The following SPIDR variants were observed in gnomAD, a reference collection of about 807,000 sequenced individuals.
SPIDR encodes scaffold protein involved in DNA repair, also known as DNA repair-scaffolding protein.
A neutral mutation model predicts 104.6 loss-of-function variants in SPIDR; 93 were observed. The observed-to-expected ratio is 0.89, with a 90% confidence interval of 0.75 to 1.06. SPIDR has a LOEUF of 1.06. Ranked by LOEUF, SPIDR falls within the 50% of genes least tolerant of loss-of-function variation. The pLI is 0.00. For missense variants in SPIDR, 1,154 were observed against 1,111.2 expected (o/e 1.04, Z -0.55); for synonymous variants, 431 against 416.9 (o/e 1.03, Z -0.41).
At chr8:47,701,923 T>C in intron 13 of SPIDR, 33 bp from the exon 14 acceptor site, 1 of 1,614,190 alleles carries the variant, frequency 6.2e-7, no homozygotes, top group Non-Finnish European at 8.5e-7. Flanking sequence ...GTGCTTCGTG[T>C]AATGCTGCCA....
chr8:47,572,673 A>AAAATAAAT (rs56105115), intron 8 of SPIDR, among the ~76,000 whole-genome samples: 23,697 of 145,734 alleles, frequency 0.16, 2,114 homozygotes, highest in East Asian at 0.33. Context: ...AAATTAAATT[A>AAAATAAAT]AAATAAATAA....
intron 7 of SPIDR, among the ~76,000 whole-genome samples, chr8:47,410,991 A>G (rs1270652727): frequency 1.3e-5 from 2 of 152,116 alleles, no homozygotes; most frequent in Non-Finnish European, 2.9e-5. Flanking sequence ...ACATGAACTC[A>G]TCCTTTTTTA....
chr8:47,429,122 TATC>T (rs2066911223), intron 7 of SPIDR, among the ~76,000 whole-genome samples: 1 of 152,170 alleles, frequency 6.6e-6, no homozygotes, highest in African/African-American at 2.4e-5. Flanking sequence ...TGTCAGAAAA[TATC>T]ATAATTTCCA....
At chr8:47,690,950 G>C (rs2078553696) in intron 11 of SPIDR, among the ~76,000 whole-genome samples, 1 of 152,100 alleles carries the variant, frequency 6.6e-6, no homozygotes, top group South Asian at 2.1e-4. Context: ...TTTCAGATGT[G>C]TGTTTTAATT....
At chr8:47,603,808 T>C (rs2062609360) in intron 10 of SPIDR, among the ~76,000 whole-genome samples, 1 of 152,224 alleles carries the variant, frequency 6.6e-6, no homozygotes, top group Non-Finnish European at 1.5e-5. Context: ...ACGTGCTAAA[T>C]AGTCGTGTCT....
At chr8:47,439,451 A>G (rs923637772) in intron 7 of SPIDR, among the ~76,000 whole-genome samples, 4 of 152,034 alleles carry the variant, frequency 2.6e-5, no homozygotes, top group African/African-American at 9.7e-5. Flanking sequence ...ACTTCACCTC[A>G]TTTTAAGTGC....
At chr8:47,648,969 A>G (rs2071085489) in intron 10 of SPIDR, among the ~76,000 whole-genome samples, 1 of 152,234 alleles carries the variant, frequency 6.6e-6, no homozygotes, top group African/African-American at 2.4e-5. Flanking sequence ...TTTAACTTCA[A>G]AAGGAAAAAG....
chr8:47,450,313 A>G lies in SPIDR; in HGVS notation c.1097+9771A>G, dbSNP rs1214181352. ...AGAGCACAAAAGCAAGAGGGAGCCA[A>G]ACTTGCTTTTATAACAAGGCCATTC... is the stretch of plus-strand genomic sequence containing the variant. On this transcript the variant is annotated intron_variant, in intron 8 of 19. Transcript: ENST00000297423. 2.0e-5 allele frequency among the ~76,000 whole-genome samples: 3 copies of G among 152,218 alleles called. No individual in the cohort carries two copies. In the East Asian group the frequency reaches 5.8e-4, roughly 29 times the overall value.
rs1554658683 is a variant in SPIDR, at chr8:47,396,549, C to T, written c.699C>T (p.Thr233=). 1 of 1,614,078 alleles carries T rather than the reference C, an allele frequency of 6.2e-7. No homozygotes were observed. Among genetic ancestry groups the T allele is most frequent in the Admixed American group, 1.7e-5 (1 of 60,014 alleles). The change falls in exon 6 of 20, where the codon ACC becomes ACT. Residue 233 remains threonine, a synonymous_variant. Transcript: ENST00000297423. Reference sequence around the variant, plus strand: ...ATCCAAGGACAAAATCAACAGAGACCATTTTGCATACACCTCAGAAACCCA... The same window carrying T: ...ATCCAAGGACAAAATCAACAGAGACTATTTTGCATACACCTCAGAAACCCA... ...LIDPRTKSTE[T]ILHTPQKPTA... is the part of the protein sequence containing the mutation.
chr8:47,443,329 G>A (rs1425493300), intron 8 of SPIDR, among the ~76,000 whole-genome samples: 3 of 152,134 alleles, frequency 2.0e-5, no homozygotes, highest in African/African-American at 7.2e-5. Context: ...CAGCAGTTTA[G>A]GAGGCCAAGG....
intron 8 of SPIDR, among the ~76,000 whole-genome samples, chr8:47,525,759 G>A (rs2084883467): frequency 6.7e-6 from 1 of 149,836 alleles, no homozygotes; most frequent in South Asian, 2.1e-4. Context: ...GGTAGACAGA[G>A]TGAGACCCTG....
chr8:47,539,329 A>T (rs1419891330), intron 8 of SPIDR, among the ~76,000 whole-genome samples: 3 of 152,190 alleles, frequency 2.0e-5, no homozygotes, highest in Admixed American at 2.0e-4. Flanking sequence ...CCTTTCTTAC[A>T]TCATTAAAAG....
At chr8:47,536,089 A>AGT (rs1554776492) in intron 8 of SPIDR, among the ~76,000 whole-genome samples, 1 of 149,582 alleles carries the variant, frequency 6.7e-6, no homozygotes, top group Non-Finnish European at 1.5e-5. Flanking sequence ...ATAATCTAAA[A>AGT]ATATATATAT....
intron 8 of SPIDR, among the ~76,000 whole-genome samples, chr8:47,466,860 C>A (rs1445029469): frequency 1.9e-5 from 2 of 106,208 alleles, no homozygotes; most frequent in Admixed American, 2.1e-4. Context: ...AAAAACCTTT[C>A]AAAAGATCTA....
chr8:47,367,380 C>G (rs1554635302), intron 5 of SPIDR, among the ~76,000 whole-genome samples: 1 of 152,154 alleles, frequency 6.6e-6, no homozygotes, highest in Non-Finnish European at 1.5e-5. Flanking sequence ...TAAGCTCCAC[C>G]ACCACCTTGA....
At chr8:47,354,368 A>AT (rs1337937767) in intron 5 of SPIDR, among the ~76,000 whole-genome samples, 12 of 149,118 alleles carry the variant, frequency 8.0e-5, no homozygotes, top group South Asian at 4.2e-4. Context: ...ACAGAAGTGC[A>AT]TTTTTTTGCA....
At chr8:47,554,528 G>A (rs1389512592) in intron 8 of SPIDR, among the ~76,000 whole-genome samples, 3 of 152,210 alleles carry the variant, frequency 2.0e-5, no homozygotes, top group Admixed American at 1.3e-4. Context: ...GCTAGGCTCC[G>A]TGGGCATGGA....
chr8:47,268,013 C>T (rs1056409776), intron 1 of SPIDR, among the ~76,000 whole-genome samples: 2 of 152,172 alleles, frequency 1.3e-5, no homozygotes, highest in African/African-American at 2.4e-5. Flanking sequence ...TTTTTCTACA[C>T]ACTGTGAGGT....
At chr8:47,322,162 A>G (rs2046763214) in intron 5 of SPIDR, among the ~76,000 whole-genome samples, 1 of 152,220 alleles carries the variant, frequency 6.6e-6, no homozygotes, top group Non-Finnish European at 1.5e-5. Context: ...ACAGCAACCT[A>G]CAGAATGGGA....
Sources: gnomAD v4.1 joint callset for allele counts (sites outside exome capture counted in the v4.1 genomes callset) on GRCh38, gnomAD v4.1.1 for gene constraint, MANE v1.5 for transcripts, NCBI Gene and HGNC (gene_info 2026-07-23, HGNC 2026-07-21) for gene names.